Variants in HPSE2 observed in about 807,000 individuals in gnomAD.
HPSE2 encodes heparanase 2 (inactive).
Under a neutral mutation model 60.5 loss-of-function variants are expected in HPSE2, and 38 were observed. That is an observed-to-expected ratio of 0.63 (90% CI 0.48 to 0.82). HPSE2 has a LOEUF of 0.82. Ranked by LOEUF, HPSE2 falls within the 40% of genes least tolerant of loss-of-function variation. The pLI is 0.00. For synonymous variants in HPSE2, 295 were observed against 293.2 expected (o/e 1.01, Z -0.06); for missense variants, 713 against 740.4 (o/e 0.96, Z 0.43).
rs562596100 is a variant in HPSE2 at position 99,105,801 on chromosome 10, T to C, written c.610+38437A>G. 2.6e-5 allele frequency among the ~76,000 whole-genome samples: 4 copies of C among 152,176 alleles called. No homozygotes were observed. In the South Asian group the frequency reaches 6.2e-4, roughly 24 times the overall value. On this transcript the variant is annotated intron_variant, in intron 3 of 11. Coordinates refer to ENST00000370552, the MANE Select transcript of HPSE2 (RefSeq NM_021828.5). Reference sequence around the variant, plus strand: ...TCCATTTTGAGCTAAACTTCGTGTGTGGTCTGAGGTAATGATCTAAATTTA... The same window carrying C: ...TCCATTTTGAGCTAAACTTCGTGTGCGGTCTGAGGTAATGATCTAAATTTA...
the HPSE2 span, among the ~76,000 whole-genome samples, chr10:99,297,280 G>T: frequency 6.6e-6 from 1 of 152,196 alleles, no homozygotes; most frequent in East Asian, 1.9e-4. Context: ...CCTTCCCACT[G>T]CTGCAGTTGA....
chr10:99,045,864 T>C (rs1375875194), intron 3 of HPSE2, among the ~76,000 whole-genome samples: 1 of 151,914 alleles, frequency 6.6e-6, no homozygotes, highest in Non-Finnish European at 1.5e-5. Context: ...CAACCAAAAA[T>C]AGCCCTGGAA....
At chr10:98,985,256 C>A in intron 3 of HPSE2, among the ~76,000 whole-genome samples, 1 of 152,128 alleles carries the variant, frequency 6.6e-6, no homozygotes, top group Non-Finnish European at 1.5e-5. Context: ...GTCAGGTTAC[C>A]CACAAAGGGA....
chr10:98,640,118 A>G (rs1008923699), intron 7 of HPSE2, among the ~76,000 whole-genome samples: 5 of 152,314 alleles, frequency 3.3e-5, no homozygotes, highest in South Asian at 4.1e-4. Context: ...TTAACATTCT[A>G]TTACATTAGG....
At chr10:98,748,170 C>T (rs1440072733) in intron 3 of HPSE2, among the ~76,000 whole-genome samples, 1 of 152,044 alleles carries the variant, frequency 6.6e-6, no homozygotes, top group Non-Finnish European at 1.5e-5. Context: ...TGTGGTGGCA[C>T]ATGCCTGTAA....
intron 3 of HPSE2, among the ~76,000 whole-genome samples, chr10:98,985,680 A>G (rs9419863): frequency 0.16 from 24,286 of 152,236 alleles, 2,162 homozygotes; most frequent in Admixed American, 0.23. Context: ...TGCTCCAATT[A>G]AAAGACACAG....
At chr10:98,499,681 C>T (rs1469670226) in intron 9 of HPSE2, among the ~76,000 whole-genome samples, 1 of 152,166 alleles carries the variant, frequency 6.6e-6, no homozygotes, top group African/African-American at 2.4e-5. Flanking sequence ...CATCTCAGTA[C>T]TAACATTGAA....
rs193295405 is a variant in HPSE2 at position 99,093,183 on chromosome 10, G to A, written c.610+51055C>T. ...GCAGAGGTTGCAGTGAGCTGAGATCGTGCCACTGTACCTCCAGCCTGGTGA... is the reference window on the plus strand; with the variant it reads ...GCAGAGGTTGCAGTGAGCTGAGATCATGCCACTGTACCTCCAGCCTGGTGA... On this transcript the variant is annotated intron_variant, in intron 3 of 11. Coordinates refer to ENST00000370552, the MANE Select transcript of HPSE2 (RefSeq NM_021828.5). Among the ~76,000 whole-genome samples the A allele has an allele frequency of 5.4e-3, 827 of 152,058 alleles. 6 individuals are homozygous for A. Among genetic ancestry groups the A allele is most frequent in the African/African-American group, 0.019 (786 of 41,482 alleles).
intron 3 of HPSE2, among the ~76,000 whole-genome samples, chr10:98,918,621 T>C (rs1297920064): frequency 2.9e-5 from 4 of 138,162 alleles, no homozygotes; most frequent in Admixed American, 1.6e-4. Flanking sequence ...TAGATGGGAA[T>C]TGAACAATGA....
intron 3 of HPSE2, among the ~76,000 whole-genome samples, chr10:98,766,857 C>T (rs1307210254): frequency 6.6e-6 from 1 of 151,732 alleles, no homozygotes; most frequent in Non-Finnish European, 1.5e-5. Flanking sequence ...CCTGGGAGGT[C>T]GAGGCTGCAG....
In HPSE2 at chr10:98,590,083, A is replaced by G. The variant is rs183710956; in HGVS notation, c.1320+24821T>C. On this transcript the variant is annotated intron_variant, in intron 9 of 11. Transcript: ENST00000370552. ...ACTTCTCTACAAAGCAAGAACAGAA[A>G]AGTAAGAGAGTAAAGAAGGGGTTTA... 1.0e-3 allele frequency among the ~76,000 whole-genome samples: 146 copies of G among 145,360 alleles called. 1 individual carries two copies. Among genetic ancestry groups the G allele is most frequent in the African/African-American group, 4.0e-3 (139 of 35,110 alleles).
At chr10:98,889,949 C>T (rs536570023) in intron 3 of HPSE2, among the ~76,000 whole-genome samples, 15 of 152,214 alleles carry the variant, frequency 9.9e-5, no homozygotes, top group Admixed American at 9.2e-4. Flanking sequence ...TAACTCTTTA[C>T]AAGGAAAATT....
intron 3 of HPSE2, among the ~76,000 whole-genome samples, chr10:98,768,149 G>C (rs1207767734): frequency 6.6e-6 from 1 of 152,020 alleles, no homozygotes; most frequent in Non-Finnish European, 1.5e-5. Flanking sequence ...TAAAATATTG[G>C]AAGCAAATAG....
chr10:98,774,820 G>T (rs1443978753), intron 3 of HPSE2, among the ~76,000 whole-genome samples: 2 of 152,068 alleles, frequency 1.3e-5, no homozygotes, highest in African/African-American at 2.4e-5. Context: ...CTTTCCTCTT[G>T]CATTGCCCCA....
At chr10:98,705,123 A>T (rs1589675780) in intron 5 of HPSE2, among the ~76,000 whole-genome samples, 1 of 152,246 alleles carries the variant, frequency 6.6e-6, no homozygotes, top group Non-Finnish European at 1.5e-5. Context: ...TCAAAAGAAG[A>T]TATTAATGTG....
intron 2 of HPSE2, among the ~76,000 whole-genome samples, chr10:99,198,405 A>C (rs1295393102): frequency 2.6e-5 from 4 of 152,248 alleles, no homozygotes; most frequent in African/African-American, 9.6e-5. Flanking sequence ...TAATCAATAC[A>C]TCTTTGCATA....
intron 2 of HPSE2, among the ~76,000 whole-genome samples, chr10:99,171,774 G>A (rs145572857): frequency 6.6e-6 from 1 of 151,934 alleles, no homozygotes; most frequent in East Asian, 1.9e-4. Flanking sequence ...AAGTATTTAG[G>A]CCTTGGATTA....
intron 9 of HPSE2, among the ~76,000 whole-genome samples, chr10:98,551,201 G>A (rs1184337249): frequency 6.6e-6 from 1 of 152,080 alleles, no homozygotes; most frequent in Admixed American, 6.5e-5. Context: ...GTGGGATTGG[G>A]TTTGCTAGGG....
Position 98,598,578 on chromosome 10 carries a change from G to A in HPSE2, c.1320+16326C>T, listed in dbSNP as rs115943227. ...TGGGTCTGATACCTGGGTCCACAGC[G>A]TTGTGACTGAAGCCTGAGCTCATGG... On this transcript the variant is annotated intron_variant, in intron 9 of 11. Coordinates refer to ENST00000370552, the MANE Select transcript of HPSE2 (RefSeq NM_021828.5). Among the ~76,000 whole-genome samples the A allele has an allele frequency of 2.6e-3, 398 of 152,286 alleles. 1 individual carries two copies. Among genetic ancestry groups the A allele is most frequent in the African/African-American group, 8.9e-3 (371 of 41,556 alleles).
Sources: allele counts gnomAD v4.1 joint callset (sites outside exome capture counted in the v4.1 genomes callset), GRCh38; gene constraint gnomAD v4.1.1; transcripts MANE v1.5; gene names NCBI Gene and HGNC (gene_info 2026-07-23, HGNC 2026-07-21).